The following GALNT17 variants were observed in gnomAD, a reference collection of about 807,000 sequenced individuals.
The protein encoded by GALNT17 is UDP-GalNAc:polypeptide N-acetylgalactosaminyltransferase-like 3.
A neutral mutation model predicts 63.7 loss-of-function variants in GALNT17; 29 were observed. That is an observed-to-expected ratio of 0.46 (90% CI 0.34 to 0.62). The LOEUF (loss-of-function observed/expected upper bound fraction) is 0.62. GALNT17 is among the 20% of genes least tolerant of loss of function. The pLI is 0.01. For synonymous variants in GALNT17, 305 were observed against 318.3 expected (o/e 0.96, Z 0.45); for missense variants, 603 against 799.6 (o/e 0.75, Z 2.97).
At chr7:71,677,336 G>A (rs778909970) in intron 9 of GALNT17, 30 bp downstream of exon 9, 1 of 1,602,538 alleles carries the variant, frequency 6.2e-7, no homozygotes, top group Non-Finnish European at 8.5e-7. Flanking sequence ...CAGGAAGGAA[G>A]TAATATCACC....
chr7:71,394,126 A>G (rs1283143021), intron 3 of GALNT17, among the ~76,000 whole-genome samples: 4 of 152,198 alleles, frequency 2.6e-5, no homozygotes, highest in Admixed American at 6.5e-5. Context: ...AGACTGTACA[A>G]GAAGCATGAT....
intron 1 of GALNT17, among the ~76,000 whole-genome samples, chr7:71,178,173 T>C (rs1467207385): frequency 6.6e-6 from 1 of 152,208 alleles, no homozygotes; most frequent in African/African-American, 2.4e-5. Context: ...AAGAAAGTTT[T>C]GCTATATACA....
intron 1 of GALNT17, among the ~76,000 whole-genome samples, chr7:71,305,426 C>G (rs549527649): frequency 3.3e-5 from 5 of 152,174 alleles, no homozygotes; most frequent in African/African-American, 1.2e-4. Flanking sequence ...AACTAACCCA[C>G]GGCAAGGATA....
Position 71,250,994 on chromosome 7 carries a change from G to A in GALNT17, c.239-84556G>A, listed in dbSNP as rs556971971. On this transcript the variant is annotated intron_variant, in intron 1 of 10. Coordinates refer to ENST00000333538, the MANE Select transcript of GALNT17 (RefSeq NM_022479.3). ...ATCTTGGCTGTAGGTGAAAGCATAA[G>A]CATTTCCCCAACATGACTTCTTATT... Among the ~76,000 whole-genome samples the A allele has an allele frequency of 5.3e-4, 81 of 152,310 alleles. 1 individual carries two copies. The highest frequency in any genetic ancestry group is 1.0e-3 in the Non-Finnish European group (70 of 68,030).
chr7:71,668,944 A>G (rs1239836687), intron 7 of GALNT17, among the ~76,000 whole-genome samples: 2 of 152,224 alleles, frequency 1.3e-5, no homozygotes, highest in Non-Finnish European at 2.9e-5. Flanking sequence ...TTTTGCAGGT[A>G]TAGGAAAGAA....
intron 2 of GALNT17, among the ~76,000 whole-genome samples, chr7:71,387,245 C>G (rs1792962403): frequency 7.2e-6 from 1 of 138,182 alleles, no homozygotes. Context: ...CAAAAAAGTA[C>G]TTTTAATGGC....
intron 6 of GALNT17, among the ~76,000 whole-genome samples, chr7:71,660,320 C>T (rs1239198180): frequency 1.3e-5 from 2 of 152,164 alleles, no homozygotes; most frequent in Non-Finnish European, 2.9e-5. Context: ...GTGCCCTCCT[C>T]CTGGCCCATT....
intron 5 of GALNT17, among the ~76,000 whole-genome samples, chr7:71,565,209 G>C (rs917541614): frequency 2.0e-5 from 3 of 152,080 alleles, no homozygotes; most frequent in Non-Finnish European, 2.9e-5. Context: ...GGAGACTGCA[G>C]TGAGCTGAGA....
chr7:71,444,752 G>A lies in GALNT17; in HGVS notation c.962+23647G>A, dbSNP rs7800000. ...TGAGGCAAGAGAATTACTTGAATCC[G>A]GGAGGTGGAGGCTGCAGTGAGGCGA... On this transcript the variant is annotated intron_variant, in intron 5 of 10. Coordinates refer to ENST00000333538, the MANE Select transcript of GALNT17 (RefSeq NM_022479.3). Among the ~76,000 whole-genome samples the A allele has an allele frequency of 4.8e-3, 725 of 152,240 alleles. 6 individuals carry two copies. Among genetic ancestry groups the A allele is most frequent in the African/African-American group, 0.016 (679 of 41,530 alleles).
intron 1 of GALNT17, among the ~76,000 whole-genome samples, chr7:71,282,949 T>C (rs1036785550): frequency 4.6e-5 from 7 of 151,236 alleles, no homozygotes; most frequent in African/African-American, 1.7e-4. Flanking sequence ...GTTCTGAGAG[T>C]GAGCAGGACA....
At chr7:71,606,483 T>C (rs1027469709) in intron 6 of GALNT17, among the ~76,000 whole-genome samples, 17 of 152,186 alleles carry the variant, frequency 1.1e-4, no homozygotes, top group Non-Finnish European at 1.5e-5. Context: ...GTTCCTGTTT[T>C]TACTGACCTG....
At chr7:71,202,349 G>C in intron 1 of GALNT17, among the ~76,000 whole-genome samples, 1 of 152,078 alleles carries the variant, frequency 6.6e-6, no homozygotes, top group Non-Finnish European at 1.5e-5. Flanking sequence ...ATCCATAACA[G>C]TTTTTTCAAG....
chr7:71,597,307 G>T (rs146368419), intron 6 of GALNT17, among the ~76,000 whole-genome samples: 1 of 152,156 alleles, frequency 6.6e-6, no homozygotes, highest in Admixed American at 6.5e-5. Context: ...CCAAAGTGCC[G>T]GGATTACAGG....
chr7:71,552,602 G>A (rs745543162), intron 5 of GALNT17, among the ~76,000 whole-genome samples: 3 of 151,114 alleles, frequency 2.0e-5, no homozygotes, highest in Non-Finnish European at 4.4e-5. Context: ...CACCACACCC[G>A]GTTAATTTCT....
At chr7:71,349,057 C>T (rs117008237) in intron 2 of GALNT17, among the ~76,000 whole-genome samples, 1,917 of 152,346 alleles carry the variant, frequency 0.013, 21 homozygotes, top group Middle Eastern at 0.02. Flanking sequence ...CAGATAGTTA[C>T]GTGAAATACT....
At chr7:71,335,087 C>A (rs981098976) in intron 1 of GALNT17, among the ~76,000 whole-genome samples, 4 of 152,136 alleles carry the variant, frequency 2.6e-5, no homozygotes, top group Non-Finnish European at 5.9e-5. Flanking sequence ...TACAGACCCC[C>A]ATCTCATCCC....
chr7:71,384,520 C>T (rs1158897664), intron 2 of GALNT17, among the ~76,000 whole-genome samples: 1 of 152,194 alleles, frequency 6.6e-6, no homozygotes, highest in Admixed American at 6.5e-5. Flanking sequence ...CCTTCCAGAG[C>T]TCTGAGAGTT....
At chr7:71,441,111 C>T (rs1213860776) in intron 5 of GALNT17, among the ~76,000 whole-genome samples, 2 of 151,870 alleles carry the variant, frequency 1.3e-5, no homozygotes, top group Non-Finnish European at 2.9e-5. Context: ...CAACCTCCGC[C>T]TCCTGGGTTC....
intron 9 of GALNT17, among the ~76,000 whole-genome samples, chr7:71,686,529 C>T (rs1253731566): frequency 6.8e-6 from 1 of 146,734 alleles, no homozygotes; most frequent in Non-Finnish European, 1.5e-5. Flanking sequence ...TACAGTCACA[C>T]ACCACCATAC....
Sources: gnomAD v4.1 joint callset for allele counts (sites outside exome capture counted in the v4.1 genomes callset) on GRCh38, gnomAD v4.1.1 for gene constraint, MANE v1.5 for transcripts, NCBI Gene and HGNC (gene_info 2026-07-23, HGNC 2026-07-21) for gene names.